Variants in NRXN2 observed in about 807,000 individuals in gnomAD.
NRXN2 encodes neurexin 2.
NRXN2 carries 29 observed loss-of-function variants against 128.8 expected under a neutral mutation model. The observed-to-expected ratio is 0.23, with a 90% CI of 0.17 to 0.31. NRXN2 has a LOEUF of 0.31. Among genes scored for constraint, NRXN2 ranks in the 10% least tolerant of loss-of-function variants. The pLI is 1.00. For missense variants in NRXN2, 1,881 were observed against 2,452.6 expected (o/e 0.77, Z 4.92); for synonymous variants, 1,098 against 1,075.2 (o/e 1.02, Z -0.41).
At chr11:64,640,491 T>C (rs2045500535) in intron 17 of NRXN2, among the ~76,000 whole-genome samples, 1 of 151,310 alleles carries the variant, frequency 6.6e-6, no homozygotes, top group South Asian at 2.1e-4. Flanking sequence ...GGGGCAACAC[T>C]GGGCCTCAAG....
chr11:64,711,332 A>ACT (rs1772154956), intron 2 of NRXN2, among the ~76,000 whole-genome samples: 1 of 152,204 alleles, frequency 6.6e-6, no homozygotes, highest in East Asian at 1.9e-4. Flanking sequence ...AGGGGAGAGA[A>ACT]CGTCAGGCCT....
At chr11:64,674,902 A>C (rs917396523) in intron 7 of NRXN2, among the ~76,000 whole-genome samples, 4 of 152,220 alleles carry the variant, frequency 2.6e-5, no homozygotes, top group Non-Finnish European at 5.9e-5. Context: ...CAGGTATACT[A>C]CCACTATTAG....
intron 6 of NRXN2, among the ~76,000 whole-genome samples, chr11:64,684,370 G>T (rs147255422): frequency 6.6e-6 from 1 of 152,272 alleles, no homozygotes; most frequent in African/African-American, 2.4e-5. Context: ...GGGATGATTT[G>T]ACAAGAAGAG....
At chr11:64,721,870 A>G (rs2057441055) in intron 1 of NRXN2, among the ~76,000 whole-genome samples, 1 of 151,858 alleles carries the variant, frequency 6.6e-6, no homozygotes, top group South Asian at 2.1e-4. Flanking sequence ...CCCCCTAAAA[A>G]TCTATTTCAT....
intron 2 of NRXN2, among the ~76,000 whole-genome samples, chr11:64,704,903 AG>A (rs1422372184): frequency 2.6e-5 from 4 of 152,222 alleles, no homozygotes; most frequent in African/African-American, 9.7e-5. Context: ...AGGGAGGCAG[AG>A]AGGTGTGTAA....
At chr11:64,719,245 C>T (rs1425878246) in intron 1 of NRXN2, among the ~76,000 whole-genome samples, 1 of 152,158 alleles carries the variant, frequency 6.6e-6, no homozygotes, top group African/African-American at 2.4e-5. Flanking sequence ...AGTATTATCA[C>T]TGCCCCTTTT....
rs577785176 is a variant in NRXN2 at position 64,630,164 on chromosome 11, C to T, written c.3757+238G>A. 1.6e-4 allele frequency among the ~76,000 whole-genome samples: 24 copies of T among 152,096 alleles called. No individual in the cohort carries two copies. The highest frequency in any genetic ancestry group is 2.8e-4 in the Non-Finnish European group (19 of 67,974). ...CCCAGCTCAGCCCTGCACCCTCCCC[C>T]ATAGGGGGCGCATTCGCACCACCAC... is the stretch of plus-strand genomic sequence containing the variant. On this transcript the variant is annotated intron_variant, in intron 19 of 22. Coordinates refer to ENST00000265459, the MANE Select transcript of NRXN2 (RefSeq NM_015080.4). The surrounding 1 kb of genome is among the most constrained non-coding windows in gnomAD (Gnocchi z 4.6).
In NRXN2 at chr11:64,666,861, C is replaced by A. The variant is rs553586221; in HGVS notation, c.1798+389G>T. 4.2e-4 allele frequency among the ~76,000 whole-genome samples: 64 copies of A among 152,272 alleles called. 1 individual carries two copies. In the South Asian group the frequency reaches 0.013, roughly 31 times the overall value. Reference sequence around the variant, plus strand: ...TACAGGCATGAGGCATCGCACCCGGCCGGAAGATATATTCTTAAAGGTGAA... The same window carrying A: ...TACAGGCATGAGGCATCGCACCCGGACGGAAGATATATTCTTAAAGGTGAA... On this transcript the variant is annotated intron_variant, in intron 9 of 22. Coordinates refer to ENST00000265459, the MANE Select transcript of NRXN2 (RefSeq NM_015080.4).
At chr11:64,645,315 G>A (rs943280184) in intron 17 of NRXN2, among the ~76,000 whole-genome samples, 2 of 152,136 alleles carry the variant, frequency 1.3e-5, no homozygotes, top group African/African-American at 4.8e-5. Context: ...GAACTGGAGA[G>A]AGATGGGGGG....
intron 11 of NRXN2, 55 bp from the exon 12 acceptor site, chr11:64,653,777 G>T (rs1039461046): frequency 3.4e-5 from 35 of 1,032,412 alleles, no homozygotes; most frequent in Non-Finnish European, 4.6e-5. Flanking sequence ...GGTAAAACAA[G>T]TTTTTTTTTT....
chr11:64,712,857 C>A (rs954346327), intron 2 of NRXN2, 113 bp downstream of exon 2: 6 of 989,204 alleles, frequency 6.1e-6, no homozygotes, highest in Non-Finnish European at 9.0e-6. Flanking sequence ...ACTCACAAGC[C>A]CTCGTGCCCA....
intron 9 of NRXN2, chr11:64,661,513 C>T: frequency 3.2e-6 from 2 of 622,922 alleles, no homozygotes; most frequent in Non-Finnish European, 4.4e-6. Flanking sequence ...CAGCCAGTTC[C>T]TTAGACTGGG....
chr11:64,673,611 A>G (rs2050905737), intron 7 of NRXN2, among the ~76,000 whole-genome samples: 1 of 152,260 alleles, frequency 6.6e-6, no homozygotes, highest in African/African-American at 2.4e-5. Flanking sequence ...TGCAGACTTT[A>G]GAGACTCAGA....
rs149857020 is a variant in NRXN2, at chr11:64,712,838, C to G, written c.730+132G>C. 6,976 of 872,842 alleles carry G rather than the reference C, an allele frequency of 8.0e-3. 313 individuals are homozygous for G. In the African/African-American group the frequency reaches 0.1, roughly 13 times the overall value. The allele number at this position is 872,842 out of a possible 1,614,324, so 54.1% of individuals were successfully genotyped here. A position where few individuals can be genotyped will look rare whatever the true frequency, so the allele number is the denominator to read the frequency against. ...CACGCGTCCCCGCAGCCCTGGAGCG[C>G]TCGCACCCACTCACAAGCCCTCGTG... On this transcript the variant is annotated intron_variant, in intron 2 of 22. Coordinates refer to ENST00000265459, the MANE Select transcript of NRXN2 (RefSeq NM_015080.4).
At chr11:64,645,039 C>T (rs563010906) in intron 17 of NRXN2, among the ~76,000 whole-genome samples, 1 of 152,136 alleles carries the variant, frequency 6.6e-6, no homozygotes. Context: ...TCCTCAGAGG[C>T]ACCCAGAGGA....
At chr11:64,609,356 G>T (rs1384399243) in intron 22 of NRXN2, among the ~76,000 whole-genome samples, 1 of 151,940 alleles carries the variant, frequency 6.6e-6, no homozygotes, top group African/African-American at 2.4e-5. Context: ...ACAACGGAAA[G>T]AAGAAGAAAG....
intron 15 of NRXN2, 50 bp downstream of exon 15, chr11:64,650,398 G>A (rs1447718292): frequency 6.3e-7 from 1 of 1,592,242 alleles, no homozygotes; most frequent in Non-Finnish European, 8.6e-7. Flanking sequence ...TCGCTGGGGT[G>A]AGGGGTATCT....
At chr11:64,644,432 C>T (rs542772639) in intron 17 of NRXN2, among the ~76,000 whole-genome samples, 4 of 152,220 alleles carry the variant, frequency 2.6e-5, no homozygotes, top group African/African-American at 4.8e-5. Flanking sequence ...GTCTAGAGGA[C>T]ACCTGCCCAC....
In NRXN2 at chr11:64,652,096, C is replaced by T. The variant is rs200163796; in HGVS notation, c.2475G>A (p.Thr825=). ...TCTTGCCACGCCGGACCACCCTCACCGTGTGCCACTCATTGTCATTGAGCT... is the reference window on the plus strand; with the variant it reads ...TCTTGCCACGCCGGACCACCCTCACTGTGTGCCACTCATTGTCATTGAGCT... The part of the protein sequence containing the change: ...GHKLNDNEWH[T]VRVVRRGKSL... The change falls in exon 13 of 23, where the codon ACG becomes ACA. Residue 825 remains threonine (T), a synonymous_variant. Transcript: ENST00000265459. 60 of 1,613,512 alleles carry T rather than the reference C, an allele frequency of 3.7e-5. No individual in the cohort carries two copies. The highest frequency in any genetic ancestry group is 5.3e-5 in the African/African-American group (4 of 75,018).
Sources: gnomAD v4.1 joint callset for allele counts (sites outside exome capture counted in the v4.1 genomes callset) on GRCh38, gnomAD v4.1.1 for gene constraint, Gnocchi (gnomAD v3.1) non-coding constraint, MANE v1.5 for transcripts, NCBI Gene and HGNC (gene_info 2026-07-23, HGNC 2026-07-21) for gene names.